KCNIP4: variants seen among roughly 807,000 people sequenced by gnomAD.
KCNIP4 encodes the protein Kv channel-interacting protein 4.
Under a neutral mutation model 34.0 loss-of-function variants are expected in KCNIP4, and 12 were observed. That is an observed-to-expected ratio of 0.35 (90% CI 0.23 to 0.57). The LOEUF (loss-of-function observed/expected upper bound fraction) is 0.57, where lower values mean the gene tolerates loss of function less well. KCNIP4 is among the 20% of genes least tolerant of loss of function. The probability of loss-of-function intolerance (pLI) is 0.83; values close to 1 mark genes in which losing one functional copy is unlikely to be tolerated. For synonymous variants in KCNIP4, 124 were observed against 102.2 expected (o/e 1.21, Z -1.29); for missense variants, 238 against 311.7 (o/e 0.76, Z 1.78).
At chr4:21,746,778 A>G (rs552676152) in intron 1 of KCNIP4, among the ~76,000 whole-genome samples, 1 of 152,278 alleles carries the variant, frequency 6.6e-6, no homozygotes, top group Admixed American at 6.5e-5. Context: ...AAACGGTGTG[A>G]GTAATAACTA....
rs554142818 is a variant in KCNIP4 at position 21,015,751 on chromosome 4, T to C, written c.62-133042A>G. Among the ~76,000 whole-genome samples the C allele has an allele frequency of 9.8e-3, 1,328 of 135,838 alleles. 11 individuals are homozygous for C. The highest frequency in any genetic ancestry group is 0.015 in the Non-Finnish European group (976 of 65,138). The allele number at this position is 135,838 out of a possible 152,430, so 89.1% of individuals were successfully genotyped here. A position where few individuals can be genotyped will look rare whatever the true frequency, so the allele number is the denominator to read the frequency against. ...TCTAGATATATATTATATAATATGA[T>C]ATATAAATATATACAATATACATTT... On this transcript the variant is annotated intron_variant, in intron 1 of 8. Transcript: ENST00000382152.
At chr4:21,740,627 A>G (rs1716331793) in intron 1 of KCNIP4, among the ~76,000 whole-genome samples, 1 of 152,146 alleles carries the variant, frequency 6.6e-6, no homozygotes, top group Non-Finnish European at 1.5e-5. Flanking sequence ...TCATAATAAC[A>G]TCACTTATTT....
intron 5 of KCNIP4, among the ~76,000 whole-genome samples, chr4:20,738,080 T>C (rs1750103154): frequency 1.3e-5 from 2 of 151,342 alleles, no homozygotes; most frequent in South Asian, 4.2e-4. Flanking sequence ...CAGTGAACTA[T>C]GATTGCACCA....
chr4:20,740,804 G>A (rs771118024), intron 5 of KCNIP4, among the ~76,000 whole-genome samples: 1 of 152,138 alleles, frequency 6.6e-6, no homozygotes, highest in Non-Finnish European at 1.5e-5. Context: ...AGATCCATCA[G>A]TGTGCTGTAT....
intron 1 of KCNIP4, among the ~76,000 whole-genome samples, chr4:21,637,616 C>G (rs1004216277): frequency 2.0e-5 from 3 of 151,810 alleles, no homozygotes; most frequent in Admixed American, 1.3e-4. Context: ...AACCCTGTCT[C>G]TACTAATAAT....
chr4:21,799,673 A>C (rs546188960), intron 1 of KCNIP4, among the ~76,000 whole-genome samples: 1 of 152,298 alleles, frequency 6.6e-6, no homozygotes, highest in African/African-American at 2.4e-5. Flanking sequence ...TAAAGACTTC[A>C]TGTTCAGGCC....
chr4:21,543,214 G>A (rs1424794711), intron 1 of KCNIP4, among the ~76,000 whole-genome samples: 1 of 151,970 alleles, frequency 6.6e-6, no homozygotes, highest in Non-Finnish European at 1.5e-5. Context: ...TAAAAGTAGT[G>A]CAAAATCATT....
chr4:21,534,340 T>G (rs1363372392), intron 1 of KCNIP4, among the ~76,000 whole-genome samples: 4 of 152,184 alleles, frequency 2.6e-5, no homozygotes, highest in Non-Finnish European at 4.4e-5. Flanking sequence ...TTAAATAAAT[T>G]ACTAGCATTC....
intron 1 of KCNIP4, among the ~76,000 whole-genome samples, chr4:21,798,445 C>T (rs930601977): frequency 8.6e-6 from 1 of 116,940 alleles, no homozygotes; most frequent in African/African-American, 2.8e-5. Context: ...TGTGGTGGCA[C>T]ACATCTGTAG....
chr4:21,513,246 C>T (rs1290642012), intron 1 of KCNIP4, among the ~76,000 whole-genome samples: 1 of 152,184 alleles, frequency 6.6e-6, no homozygotes, highest in Admixed American at 6.5e-5. Context: ...ATCCATCTAC[C>T]TCCACATGTG....
intron 1 of KCNIP4, among the ~76,000 whole-genome samples, chr4:21,817,111 C>A (rs1217486085): frequency 1.3e-5 from 2 of 152,078 alleles, no homozygotes; most frequent in African/African-American, 2.4e-5. Context: ...CATTCCAATT[C>A]CACATATTAA....
intron 1 of KCNIP4, among the ~76,000 whole-genome samples, chr4:21,138,678 A>G (rs1751703055): frequency 6.6e-6 from 1 of 152,086 alleles, no homozygotes; most frequent in Non-Finnish European, 1.5e-5. Context: ...GATTACCTTA[A>G]GGATCTTGAA....
At chr4:20,908,500 T>C (rs1295837397) in intron 1 of KCNIP4, among the ~76,000 whole-genome samples, 1 of 152,258 alleles carries the variant, frequency 6.6e-6, no homozygotes. Context: ...TGTTTCTTTA[T>C]GTCTTGAAGC....
intron 1 of KCNIP4, chr4:21,763,151 C>A: frequency 8.1e-7 from 1 of 1,235,206 alleles, no homozygotes; most frequent in South Asian, 1.3e-5. Context: ...TGGTTGAATT[C>A]ACACAAACAA....
chr4:20,974,066 G>T (rs758416254), intron 1 of KCNIP4, among the ~76,000 whole-genome samples: 18 of 152,198 alleles, frequency 1.2e-4, no homozygotes, highest in Non-Finnish European at 1.6e-4. Context: ...GCACCAAAAG[G>T]CCTGCTCAGC....
chr4:21,563,452 T>C (rs2109036720), intron 1 of KCNIP4, among the ~76,000 whole-genome samples: 1 of 152,234 alleles, frequency 6.6e-6, no homozygotes, highest in East Asian at 1.9e-4. Flanking sequence ...AATTGGGAAT[T>C]GCATTACTTG....
At chr4:21,012,369 A>C (rs1357538469) in intron 1 of KCNIP4, among the ~76,000 whole-genome samples, 1 of 152,196 alleles carries the variant, frequency 6.6e-6, no homozygotes, top group Non-Finnish European at 1.5e-5. Context: ...GCTTGAGTCC[A>C]GGAGTTCAAG....
chr4:20,732,099 A>G, intron 7 of KCNIP4, 31 bp from the exon 8 acceptor site: 1 of 1,497,854 alleles, frequency 6.7e-7, no homozygotes, highest in Non-Finnish European at 9.3e-7. Context: ...AATTGTATTT[A>G]GACTTATCCC....
At chr4:21,725,301 G>C (rs916924333) in intron 1 of KCNIP4, among the ~76,000 whole-genome samples, 9 of 152,070 alleles carry the variant, frequency 5.9e-5, no homozygotes, top group Non-Finnish European at 1.2e-4. Context: ...CACACCATTT[G>C]TGAATAACAG....
Sources: allele counts gnomAD v4.1 joint callset (sites outside exome capture counted in the v4.1 genomes callset), GRCh38; gene constraint gnomAD v4.1.1; transcripts MANE v1.5; gene names NCBI Gene and HGNC (gene_info 2026-07-23, HGNC 2026-07-21).